Variants in NUSAP1 observed in about 807,000 individuals in gnomAD.
The protein encoded by NUSAP1 is nucleolar and spindle associated protein 1, also known as nucleolar and spindle-associated protein 1.
Under a neutral mutation model 52.8 loss-of-function variants are expected in NUSAP1, and 32 were observed. That is an observed-to-expected ratio of 0.61 (90% CI 0.46 to 0.81). NUSAP1 has a LOEUF of 0.81. Ranked by LOEUF, NUSAP1 falls within the 40% of genes least tolerant of loss-of-function variation. The pLI is 0.00. For missense variants in NUSAP1, 499 were observed against 522.3 expected, an observed-to-expected ratio of 0.96 and a Z score of 0.43; for synonymous variants, 195 against 183.1, an observed-to-expected ratio of 1.06 and a Z score of -0.52.
chr15:41,360,149 A>AT (rs1231033299), intron 6 of NUSAP1, among the ~76,000 whole-genome samples: 2 of 149,678 alleles, frequency 1.3e-5, no homozygotes, highest in African/African-American at 2.5e-5. Flanking sequence ...AATTTTATTT[A>AT]TTTTTTTTAG....
At chr15:41,349,618 G>A (rs1046721840) in intron 3 of NUSAP1, among the ~76,000 whole-genome samples, 19 of 152,090 alleles carry the variant, frequency 1.2e-4, no homozygotes, top group African/African-American at 3.9e-4. Context: ...TGATCACCCT[G>A]TACTTAGTCT....
chr15:41,367,496 G>A (rs2049466725), intron 7 of NUSAP1, among the ~76,000 whole-genome samples: 1 of 152,112 alleles, frequency 6.6e-6, no homozygotes, highest in African/African-American at 2.4e-5. Context: ...GTGGCCACTG[G>A]CCCCCAGCAG....
chr15:41,345,045 G>T (rs2048512072), intron 2 of NUSAP1, among the ~76,000 whole-genome samples: 1 of 152,092 alleles, frequency 6.6e-6, no homozygotes, highest in South Asian at 2.1e-4. Context: ...TCTAACCCAG[G>T]CTGGAGTGCA....
At chr15:41,361,886 T>C (rs948035411) in intron 6 of NUSAP1, among the ~76,000 whole-genome samples, 3 of 152,124 alleles carry the variant, frequency 2.0e-5, no homozygotes, top group Admixed American at 1.3e-4. Context: ...TCACCATACC[T>C]GAGATGAAGT....
At position 41,349,249 on chromosome 15, in the gene NUSAP1, GA is replaced by G; in HGVS notation, c.306+11del. 7 of 1,604,390 alleles carry G rather than the reference GA, an allele frequency of 4.4e-6. No homozygotes were observed. The highest frequency in any genetic ancestry group is 4.3e-6 in the Non-Finnish European group (5 of 1,175,822). On this transcript the variant is annotated intron_variant, in intron 3 of 10. Coordinates refer to ENST00000559596, the MANE Select transcript of NUSAP1 (RefSeq NM_016359.5). ...GTGGACCCTGACTCACAGGTGAATG[GA>G]AATATACAAACTGAAAATAAACCAC...
chr15:41,361,040 A>G (rs1477061108), intron 6 of NUSAP1, among the ~76,000 whole-genome samples: 2 of 151,402 alleles, frequency 1.3e-5, no homozygotes, highest in Non-Finnish European at 2.9e-5. Context: ...GTTGCAGTGC[A>G]TGGAGGTCAC....
In NUSAP1 at chr15:41,355,096, C is replaced by T. The variant is rs146216559; in HGVS notation, c.449-943C>T. ...AACTCCTGGACTCAAGCCATCCACCCACCTCAGCCTCCCAAAGTGCTGGGA... is the reference window on the plus strand; with the variant it reads ...AACTCCTGGACTCAAGCCATCCACCTACCTCAGCCTCCCAAAGTGCTGGGA... On this transcript the variant is annotated intron_variant, in intron 4 of 10. Transcript: ENST00000559596. Among the ~76,000 whole-genome samples the T allele has an allele frequency of 1.9e-3, 287 of 152,216 alleles. 1 individual carries two copies. Among genetic ancestry groups the T allele is most frequent in the African/African-American group, 6.6e-3 (273 of 41,558 alleles).
chr15:41,343,231 A>G (rs2048427643), intron 2 of NUSAP1: 1 of 152,256 alleles, frequency 6.6e-6, no homozygotes, highest in Admixed American at 6.5e-5. Flanking sequence ...GTAAGCTATA[A>G]AACACTGCTG....
At chr15:41,376,474 T>C (rs1381026148) in intron 9 of NUSAP1, among the ~76,000 whole-genome samples, 1 of 148,364 alleles carries the variant, frequency 6.7e-6, no homozygotes, top group Non-Finnish European at 1.5e-5. Context: ...GATCATGAGT[T>C]CAGGAGATCG....
At chr15:41,356,357 T>TC (rs1350372884) in intron 5 of NUSAP1, among the ~76,000 whole-genome samples, 47 of 143,746 alleles carry the variant, frequency 3.3e-4, no homozygotes, top group African/African-American at 1.1e-3. Flanking sequence ...TTTCTTTCTT[T>TC]TTTTTTTTTT....
At position 41,333,038 on chromosome 15, in the gene NUSAP1, G is replaced by A. The variant is rs907651984; in HGVS notation, c.81G>A (p.Arg27=). Residue 27 remains arginine, a synonymous_variant, in exon 1 of 11, where the codon CGG becomes CGA. Coordinates refer to ENST00000559596, the MANE Select transcript of NUSAP1 (RefSeq NM_016359.5). ...LQNLAKSLGL[R]ANLRATKLLK... is the part of the protein sequence containing the mutation. ...ACTTAGCCAAGAGTCTGGGTCTCCG[G>A]GCCAACCTGAGGGTACGGCGCTGGC... The A allele has an allele frequency of 6.2e-7, 1 of 1,610,132 alleles. No individual in the cohort carries two copies. The highest frequency in any genetic ancestry group is 8.5e-7 in the Non-Finnish European group (1 of 1,178,178).
intron 7 of NUSAP1, among the ~76,000 whole-genome samples, chr15:41,371,091 A>G (rs1010492179): frequency 1.3e-5 from 2 of 152,218 alleles, no homozygotes; most frequent in Admixed American, 6.5e-5. Context: ...TTTCTCTACC[A>G]CACAAATGAA....
chr15:41,345,118 C>T (rs1237633320), intron 2 of NUSAP1, among the ~76,000 whole-genome samples: 3 of 151,998 alleles, frequency 2.0e-5, no homozygotes, highest in African/African-American at 7.2e-5. Flanking sequence ...TCTTGCCTCA[C>T]TCCCCTGAGT....
At chr15:41,337,909 AT>A (rs985349502) in intron 1 of NUSAP1, among the ~76,000 whole-genome samples, 2 of 112,034 alleles carry the variant, frequency 1.8e-5, no homozygotes, top group Admixed American at 1.8e-4. Flanking sequence ...TATCCACCCC[AT>A]TTTTTTTTCT....
At chr15:41,341,281 G>A (rs192027012) in intron 1 of NUSAP1, among the ~76,000 whole-genome samples, 122 of 152,164 alleles carry the variant, frequency 8.0e-4, no homozygotes, top group Middle Eastern at 3.4e-3. Flanking sequence ...GGCCAGGCTG[G>A]TCTAAAACCC....
At chr15:41,377,430 T>C (rs894378486) in intron 10 of NUSAP1, 126 bp downstream of exon 10, 4 of 517,920 alleles carry the variant, frequency 7.7e-6, no homozygotes, top group Non-Finnish European at 1.3e-5. Flanking sequence ...CCGTGTGCGG[T>C]GGCTCACGCC....
chr15:41,347,540 G>T (rs555731004), intron 2 of NUSAP1, among the ~76,000 whole-genome samples: 1 of 152,084 alleles, frequency 6.6e-6, no homozygotes, highest in African/African-American at 2.4e-5. Context: ...ACATGGCCGG[G>T]TGCGGTGGCT....
chr15:41,367,287 ATCAGAGTATG>A (rs1408711002), intron 7 of NUSAP1, among the ~76,000 whole-genome samples: 1 of 152,196 alleles, frequency 6.6e-6, no homozygotes, highest in Non-Finnish European at 1.5e-5. Flanking sequence ...CTCAGCCAGC[ATCAGAGTATG>A]TCAGCTGCTT....
At chr15:41,375,056 C>T (rs1423311343) in intron 8 of NUSAP1, among the ~76,000 whole-genome samples, 6 of 149,936 alleles carry the variant, frequency 4.0e-5, no homozygotes, top group African/African-American at 1.5e-4. Context: ...TGTCACCAGG[C>T]TGGAGTGCAG....
Sources: allele counts gnomAD v4.1 joint callset (sites outside exome capture counted in the v4.1 genomes callset), GRCh38; gene constraint gnomAD v4.1.1; transcripts MANE v1.5; gene names NCBI Gene and HGNC (gene_info 2026-07-23, HGNC 2026-07-21).